The following PTPRN2 variants were observed in gnomAD, a reference collection of about 807,000 sequenced individuals.
The protein encoded by PTPRN2 is protein tyrosine phosphatase receptor type N2.
Under a neutral mutation model 118.8 loss-of-function variants are expected in PTPRN2, and 74 were observed. That is an observed-to-expected ratio of 0.62 (90% confidence interval 0.52 to 0.76). The LOEUF (loss-of-function observed/expected upper bound fraction) is 0.76. Among genes scored for constraint, PTPRN2 ranks in the 30% least tolerant of loss-of-function variants. The pLI is 0.00. For missense variants in PTPRN2, 1,481 were observed against 1,394.4 expected, an observed-to-expected ratio of 1.06 and a Z score of -0.99; for synonymous variants, 641 against 608.0, an observed-to-expected ratio of 1.05 and a Z score of -0.80.
At chr7:158,391,720 A>ATGCAGCCC (rs1256521193) in intron 2 of PTPRN2, among the ~76,000 whole-genome samples, 1 of 152,072 alleles carries the variant, frequency 6.6e-6, no homozygotes, top group African/African-American at 2.4e-5. Flanking sequence ...CCCAGGCTGG[A>ATGCAGCCC]TGCAGCCCTG....
intron 11 of PTPRN2, among the ~76,000 whole-genome samples, chr7:158,040,477 T>G (rs1563352759): frequency 6.6e-6 from 1 of 152,226 alleles, no homozygotes; most frequent in East Asian, 1.9e-4. Context: ...ACAGGAATTT[T>G]TGGACAAAGC....
chr7:157,658,644 G>GC (rs984138990), intron 13 of PTPRN2, among the ~76,000 whole-genome samples: 1 of 152,186 alleles, frequency 6.6e-6, no homozygotes. Flanking sequence ...CAGCCTGGGT[G>GC]CCCCCCTGAC....
chr7:157,760,225 C>A (rs1360846186), intron 12 of PTPRN2, among the ~76,000 whole-genome samples: 1 of 152,244 alleles, frequency 6.6e-6, no homozygotes, highest in African/African-American at 2.4e-5. Flanking sequence ...CTGCGCCCTG[C>A]CCCAAATCTT....
rs776173365 is a variant in PTPRN2, at chr7:157,729,477, G to A, written c.1789-46540C>T. On this transcript the variant is annotated intron_variant, in intron 12 of 22. Coordinates refer to ENST00000389418, the MANE Select transcript of PTPRN2 (RefSeq NM_002847.5). The surrounding 1 kb of genome is among the most constrained non-coding windows in gnomAD (Gnocchi z 4.3). Reference sequence around the variant, plus strand: ...GACTTCTCTTTGAGGAAATGTTTCCGCTGCTAAAATGCAAAGTTCCCCGAA... The same window carrying A: ...GACTTCTCTTTGAGGAAATGTTTCCACTGCTAAAATGCAAAGTTCCCCGAA... Among the ~76,000 whole-genome samples the A allele has an allele frequency of 3.3e-5, 5 of 152,160 alleles. No homozygotes were observed. The highest frequency in any genetic ancestry group is 4.8e-5 in the African/African-American group (2 of 41,430).
At chr7:157,646,449 C>T (rs1805079575) in intron 14 of PTPRN2, among the ~76,000 whole-genome samples, 1 of 152,166 alleles carries the variant, frequency 6.6e-6, no homozygotes, top group African/African-American at 2.4e-5. Context: ...GGAGCAGAGG[C>T]CACCATGCTT....
intron 2 of PTPRN2, among the ~76,000 whole-genome samples, chr7:158,395,137 G>T (rs1812245379): frequency 6.6e-6 from 1 of 152,006 alleles, no homozygotes; most frequent in African/African-American, 2.4e-5. Context: ...TGGGTGGTCT[G>T]CAAGGTTCAC....
At chr7:157,995,326 T>C (rs184758998) in intron 11 of PTPRN2, among the ~76,000 whole-genome samples, 63 of 142,624 alleles carry the variant, frequency 4.4e-4, no homozygotes, top group African/African-American at 1.5e-3. Context: ...CCTAAATCAA[T>C]GCCACGTCCC....
chr7:157,908,521 C>T (rs553396033), intron 11 of PTPRN2, among the ~76,000 whole-genome samples: 5 of 152,342 alleles, frequency 3.3e-5, no homozygotes, highest in African/African-American at 1.2e-4. Context: ...TTTCTTTGCA[C>T]GTCGGCTCAC....
chr7:158,337,376 CTCACCATAAGAGGTAACACCT>C (rs1805838059), intron 2 of PTPRN2, among the ~76,000 whole-genome samples: 1 of 90,728 alleles, frequency 1.1e-5, no homozygotes, highest in African/African-American at 3.6e-5. Context: ...CACCCACACT[CTCACCATAAGAGGTAACACCT>C]GCAGACGTCC....
intron 12 of PTPRN2, among the ~76,000 whole-genome samples, chr7:157,890,903 A>C (rs1381424475): frequency 6.6e-6 from 1 of 152,178 alleles, no homozygotes; most frequent in Non-Finnish European, 1.5e-5. Flanking sequence ...TGAAACATTT[A>C]ATGTGCCTGA....
chr7:158,337,388 GGTAA>G (rs1805843119), intron 2 of PTPRN2, among the ~76,000 whole-genome samples: 7 of 105,316 alleles, frequency 6.6e-5, no homozygotes, highest in South Asian at 3.4e-4. Context: ...CACCATAAGA[GGTAA>G]CACCTGCAGA....
chr7:157,855,453 C>T (rs967716481), intron 12 of PTPRN2, among the ~76,000 whole-genome samples: 10 of 152,340 alleles, frequency 6.6e-5, no homozygotes, highest in South Asian at 2.1e-4. Context: ...TGAAGCTAAA[C>T]GCTGAGTGGT....
chr7:157,901,397 C>G (rs1331532668), intron 11 of PTPRN2, among the ~76,000 whole-genome samples: 1 of 152,066 alleles, frequency 6.6e-6, no homozygotes, highest in Non-Finnish European at 1.5e-5. Flanking sequence ...GCCGAACCAA[C>G]CAGATACAGA....
chr7:157,955,135 A>G (rs941509119), intron 11 of PTPRN2, among the ~76,000 whole-genome samples: 3 of 152,170 alleles, frequency 2.0e-5, no homozygotes, highest in Non-Finnish European at 4.4e-5. Flanking sequence ...TACCAGGAGC[A>G]GCACACACGA....
chr7:157,964,502 G>T lies in PTPRN2; in HGVS notation c.1724-65765C>A, dbSNP rs1801770540. Among the ~76,000 whole-genome samples, 1 of 151,888 alleles carries T rather than the reference G, an allele frequency of 6.6e-6. No homozygotes were observed. The highest frequency in any genetic ancestry group is 1.5e-5 in the Non-Finnish European group (1 of 68,006). On this transcript the variant is annotated intron_variant, in intron 11 of 22. Coordinates refer to ENST00000389418, the MANE Select transcript of PTPRN2 (RefSeq NM_002847.5). This position sits in a 1 kb window ranked among gnomAD's most constrained non-coding sequence, Gnocchi z 9.0. ...CTTGAGGGTGATTTGGGAATGAGGG[G>T]AATTCATCCATTTGAGGTTAAATGT... is the stretch of plus-strand genomic sequence containing the variant.
chr7:158,070,414 C>CGTGGTGGTGGTGCTCGTG (rs1563386604), intron 11 of PTPRN2, among the ~76,000 whole-genome samples: 8 of 93,068 alleles, frequency 8.6e-5, no homozygotes, highest in African/African-American at 3.9e-4. Flanking sequence ...TGGACGTGCT[C>CGTGGTGGTGGTGCTCGTG]GTGGTGGTGG....
chr7:157,978,094 G>A (rs1175703734), intron 11 of PTPRN2, among the ~76,000 whole-genome samples: 1 of 152,002 alleles, frequency 6.6e-6, no homozygotes, highest in African/African-American at 2.4e-5. Context: ...CCACTAATTA[G>A]GATAAAAGAG....
intron 12 of PTPRN2, among the ~76,000 whole-genome samples, chr7:157,771,557 C>T (rs977224794): frequency 6.6e-6 from 1 of 152,240 alleles, no homozygotes; most frequent in Non-Finnish European, 1.5e-5. Flanking sequence ...GACACAGCCC[C>T]TGCCCTCAGG....
intron 12 of PTPRN2, among the ~76,000 whole-genome samples, chr7:157,771,703 A>G (rs1419339319): frequency 6.6e-6 from 1 of 152,072 alleles, no homozygotes; most frequent in Non-Finnish European, 1.5e-5. Flanking sequence ...ACACAAACAC[A>G]CAGACACACA....
Sources: allele counts gnomAD v4.1 joint callset (sites outside exome capture counted in the v4.1 genomes callset), GRCh38; gene constraint gnomAD v4.1.1; non-coding constraint Gnocchi (gnomAD v3.1); transcripts MANE v1.5; gene names NCBI Gene and HGNC (gene_info 2026-07-23, HGNC 2026-07-21).